The following KRT83 variants were observed in gnomAD, a reference collection of about 807,000 sequenced individuals.
KRT83 encodes the protein keratin 83, also known as keratin, type II cuticular Hb3.
Under a neutral mutation model 52.9 loss-of-function variants are expected in KRT83, and 51 were observed. The ratio of observed to expected loss-of-function variants is 0.96; its 90% confidence interval spans 0.77 to 1.22. The LOEUF is 1.22. Among genes scored for constraint, KRT83 ranks in the 50% most tolerant of loss-of-function variants. The pLI is 0.00. For missense variants in KRT83, 654 were observed against 666.5 expected, an observed-to-expected ratio of 0.98 and a Z score of 0.21; for synonymous variants, 278 against 274.1, an observed-to-expected ratio of 1.01 and a Z score of -0.14.
chr12:52,320,732 G>A (rs964407804), intron 1 of KRT83, among the ~76,000 whole-genome samples: 1 of 152,138 alleles, frequency 6.6e-6, no homozygotes, highest in Non-Finnish European at 1.5e-5. Flanking sequence ...TCTGCCCCTC[G>A]TTCTGCTTTT....
rs756552299 is a variant in KRT83 at position 52,314,809 on chromosome 12, C to A, written c.1304G>T (p.Ser435Ile). The change falls in exon 9 of 9, where the codon AGC becomes ATC. Residue 435 changes from serine (S) to isoleucine (I), a missense_variant. Transcript: ENST00000293670. ...CCCGCACACAACCCCACCCCGGGAG[C>A]TGCTGACACCTGTGGGAACAAGGGC... ...GVEAVNVCVS[S>I]SRGGVVCGDL... is the part of the protein sequence containing the mutation. The A allele has an allele frequency of 1.9e-6, 3 of 1,604,522 alleles. No homozygotes were observed. The highest frequency in any genetic ancestry group is 2.3e-5 in the South Asian group (2 of 88,590).
chr12:52,316,840 G>A lies in KRT83; in HGVS notation c.915+19C>T. The A allele has an allele frequency of 1.2e-6, 2 of 1,614,110 alleles. No individual in the cohort carries two copies. Among genetic ancestry groups the A allele is most frequent in the Non-Finnish European group, 1.7e-6 (2 of 1,180,014 alleles). On this transcript the variant is annotated intron_variant, in intron 5 of 8. Transcript: ENST00000293670. Reference sequence around the variant, plus strand: ...CTCCCACTGCCATGTCTAGCAGGCAGGTGTCCTGTGCCGCTCACCTTGCTG... The same window carrying A: ...CTCCCACTGCCATGTCTAGCAGGCAAGTGTCCTGTGCCGCTCACCTTGCTG...
chr12:52,316,261 TACACACACACAC>T, intron 6 of KRT83, 148 bp from the exon 7 acceptor site: 2 of 810,430 alleles, frequency 2.5e-6, no homozygotes, highest in Non-Finnish European at 3.9e-6. Flanking sequence ...TCACTTACAC[TACACACACACAC>T]ACACACACAC....
rs1296552196 is a variant in KRT83, at chr12:52,321,260, G to T, written c.76C>A (p.Arg26=). The T allele has an allele frequency of 1.2e-6, 2 of 1,613,296 alleles. No individual in the cohort carries two copies. Among genetic ancestry groups the T allele is most frequent in the Admixed American group, 1.7e-5 (1 of 60,002 alleles). Reference sequence around the variant, plus strand: ...GCGGTGATGCAGCAGCGGCTTGGCCGGGGCCCGCAGGCAGAGACACAGCTG... The same window carrying T: ...GCGGTGATGCAGCAGCGGCTTGGCCTGGGCCCGCAGGCAGAGACACAGCTG... ...NFSCVSACGP[R]PSRCCITAAP... The change falls in exon 1 of 9, where the codon CGG becomes AGG. Residue 26 remains arginine (R), a synonymous_variant. Transcript: ENST00000293670.
rs1938769323 is a variant in KRT83, at chr12:52,321,345, TAGG to T, written c.-13_-11del. On this transcript the variant is annotated 5_prime_UTR_variant, in exon 1 of 9. Transcript: ENST00000293670. ...TGAAGCCACAGGTCATGACGGAGGT[TAGG>T]AGGTGTCTGAACAGTGGAGTAGATG... The T allele has an allele frequency of 3.7e-6, 6 of 1,613,630 alleles. No homozygotes were observed. The South Asian group carries it at 6.6e-5, about 18-fold the overall frequency.
At chr12:52,316,273 C>CACACACACACACAT (rs879920702) in intron 6 of KRT83, among the ~76,000 whole-genome samples, 160 bp from the exon 7 acceptor site, 4 of 152,088 alleles carry the variant, frequency 2.6e-5, no homozygotes, top group Middle Eastern at 3.4e-3. Flanking sequence ...CACACACACA[C>CACACACACACACAT]ACACACACAC....
intron 1 of KRT83, among the ~76,000 whole-genome samples, chr12:52,320,408 C>T (rs973016673): frequency 6.6e-6 from 1 of 152,208 alleles, no homozygotes; most frequent in Non-Finnish European, 1.5e-5. Flanking sequence ...GCACTGCCTG[C>T]CTCCCCATAA....
chr12:52,314,551 T>G lies in KRT83; in HGVS notation c.*80A>C. The G allele has an allele frequency of 1.5e-6, 2 of 1,302,180 alleles. No homozygotes were observed. Among genetic ancestry groups the G allele is most frequent in the Non-Finnish European group, 2.2e-6 (2 of 921,432 alleles). 80.7% of individuals were successfully genotyped at this position (1,302,180 alleles called of 1,614,324 possible). The stretch of plus-strand genomic sequence containing the variant: ...AACACAAGGGGAAAAGCCAGCGATG[T>G]GCTGCTGTTTTCAGCTGGTGGTGGG... On this transcript the variant is annotated 3_prime_UTR_variant, in exon 9 of 9. Coordinates refer to ENST00000293670, the MANE Select transcript of KRT83 (RefSeq NM_002282.3).
At chr12:52,318,080 C>T in intron 2 of KRT83, 110 bp from the exon 3 acceptor site, 1 of 1,016,126 alleles carries the variant, frequency 9.8e-7, no homozygotes, top group Non-Finnish European at 1.5e-6. Context: ...TGTCTCCTGC[C>T]CCCAAGTGAA....
rs749668667 is a variant in KRT83, at chr12:52,314,355, G to A, written c.*276C>T. The stretch of plus-strand genomic sequence containing the variant: ...AGACAAGAGGCCAGAGAGGCAGGGG[G>A]AACAGTCTCACAGTGCTTCTTCCAG... On this transcript the variant is annotated 3_prime_UTR_variant, in exon 9 of 9. Transcript: ENST00000293670. 8 of 541,234 alleles carry A rather than the reference G, an allele frequency of 1.5e-5. No individual in the cohort carries two copies. The highest frequency in any genetic ancestry group is 5.7e-5 in the African/African-American group (3 of 52,654). 33.5% of individuals were successfully genotyped at this position (541,234 alleles called of 1,614,324 possible).
rs759312131 is a variant in KRT83 at position 52,321,166 on chromosome 12, C to G, written c.170G>C (p.Gly57Ala). The G allele has an allele frequency of 1.9e-6, 3 of 1,612,466 alleles. No homozygotes were observed. The highest frequency in any genetic ancestry group is 2.5e-6 in the Non-Finnish European group (3 of 1,179,428). ...TCCGCAGGAGCCGGCGCGGAAGCCC[C>G]CGCACACGCTGTGGCTGCCAAAGCC... ...TGGFGSHSVC[G>A]GFRAGSCGRS... The change falls in exon 1 of 9, where the codon GGG becomes GCG. Residue 57 changes from glycine to alanine, a missense_variant. Gly to Ala is a moderately conservative substitution (Grantham distance 60, BLOSUM62 0). Coordinates refer to ENST00000293670, the MANE Select transcript of KRT83 (RefSeq NM_002282.3).
At position 52,314,396 on chromosome 12, in the gene KRT83, C is replaced by G; in HGVS notation, c.*235G>C. 1 of 591,426 alleles carries G rather than the reference C, an allele frequency of 1.7e-6. No homozygotes were observed. Among genetic ancestry groups the G allele is most frequent in the East Asian group, 2.8e-5 (1 of 35,228 alleles). 36.6% of individuals were successfully genotyped at this position (591,426 alleles called of 1,614,324 possible). On this transcript the variant is annotated 3_prime_UTR_variant, in exon 9 of 9. Transcript: ENST00000293670. ...CTTCTTCCAGGGAAGCAAGGCCCTTCTCCCCGGGAGGGGCTGAAGGCTGAG... is the reference window on the plus strand; with the variant it reads ...CTTCTTCCAGGGAAGCAAGGCCCTTGTCCCCGGGAGGGGCTGAAGGCTGAG...
chr12:52,315,813 G>A (rs1938676949), intron 7 of KRT83, 80 bp downstream of exon 7: 1 of 1,584,750 alleles, frequency 6.3e-7, no homozygotes, highest in Admixed American at 1.7e-5. Context: ...ATGTCACCTG[G>A]GGACTGAGAC....
At chr12:52,319,080 C>A (rs867909772) in intron 2 of KRT83, 76 bp downstream of exon 2, 1 of 1,605,234 alleles carries the variant, frequency 6.2e-7, no homozygotes, top group African/African-American at 1.3e-5. Flanking sequence ...CAGCTGCAGA[C>A]TGGATACTCC....
In KRT83 at chr12:52,314,587, G is replaced by C; in HGVS notation, c.*44C>G. ...TCAGCTGGTGGTGGGGCAGTGGCAC[G>C]TCTGGCAGGCAGAAGGGGCTCCCCT... On this transcript the variant is annotated 3_prime_UTR_variant, in exon 9 of 9. Coordinates refer to ENST00000293670, the MANE Select transcript of KRT83 (RefSeq NM_002282.3). 1 of 1,528,388 alleles carries C rather than the reference G, an allele frequency of 6.5e-7. No homozygotes were observed. Among genetic ancestry groups the C allele is most frequent in the East Asian group, 2.4e-5 (1 of 40,934 alleles). The allele number at this position is 1,528,388 out of a possible 1,614,324, so 94.7% of individuals were successfully genotyped here.
Position 52,321,255 on chromosome 12 carries a change from T to A in KRT83, c.81A>T (p.Pro27=), listed in dbSNP as rs745810779. The change falls in exon 1 of 9, where the codon CCA becomes CCT. Residue 27 remains proline, a synonymous_variant. Coordinates refer to ENST00000293670, the MANE Select transcript of KRT83 (RefSeq NM_002282.3). ...FSCVSACGPR[P]SRCCITAAPY... ...GGGCGGCGGTGATGCAGCAGCGGCT[T>A]GGCCGGGGCCCGCAGGCAGAGACAC... 79 of 1,613,284 alleles carry A rather than the reference T, an allele frequency of 4.9e-5. No individual in the cohort carries two copies. Among genetic ancestry groups the A allele is most frequent in the Non-Finnish European group, 6.5e-5 (77 of 1,179,930 alleles).
At chr12:52,320,807 G>C in intron 1 of KRT83, 145 bp downstream of exon 1, 1 of 1,520,462 alleles carries the variant, frequency 6.6e-7, no homozygotes, top group Non-Finnish European at 9.1e-7. Flanking sequence ...CTTTCTGTCT[G>C]TGTCCTAGAA....
At chr12:52,316,217 C>G (rs1422344472) in intron 6 of KRT83, 104 bp from the exon 7 acceptor site, 2 of 1,480,704 alleles carry the variant, frequency 1.4e-6, no homozygotes, top group Non-Finnish European at 1.8e-6. Context: ...AAAATATTAT[C>G]TCTCCAATCA....
At chr12:52,319,483 G>A (rs768875804) in intron 1 of KRT83, 119 bp from the exon 2 acceptor site, 452 of 1,407,030 alleles carry the variant, frequency 3.2e-4, no homozygotes, top group Non-Finnish European at 4.3e-4. Context: ...TCCCTGGAAG[G>A]CGTTATGTCA....
Sources: gnomAD v4.1 joint callset for allele counts (sites outside exome capture counted in the v4.1 genomes callset) on GRCh38, gnomAD v4.1.1 for gene constraint, MANE v1.5 for transcripts, NCBI Gene and HGNC (gene_info 2026-07-23, HGNC 2026-07-21) for gene names.